Variants in GRM1 observed in about 807,000 individuals in gnomAD.
GRM1 encodes the protein metabotropic glutamate receptor 1.
GRM1 carries 33 observed loss-of-function variants against 90.9 expected under a neutral mutation model. The observed-to-expected ratio is 0.36, with a 90% CI of 0.28 to 0.49. The LOEUF (loss-of-function observed/expected upper bound fraction) is 0.49, where lower values mean the gene tolerates loss of function less well. Ranked by LOEUF, GRM1 falls within the 20% of genes least tolerant of loss-of-function variation. The probability of loss-of-function intolerance (pLI) is 0.99; values close to 1 mark genes in which losing one functional copy is unlikely to be tolerated. For missense variants in GRM1, 1,190 were observed against 1,534.3 expected (o/e 0.78, Z 3.75); for synonymous variants, 700 against 613.2 (o/e 1.14, Z -2.09).
intron 1 of GRM1, among the ~76,000 whole-genome samples, chr6:146,033,427 A>G (rs902998861): frequency 5.9e-5 from 9 of 152,194 alleles, no homozygotes; most frequent in African/African-American, 2.2e-4. Flanking sequence ...CTTAAAAATA[A>G]CTGTAGTTAA....
At chr6:146,138,372 T>C (rs1459000881) in intron 1 of GRM1, among the ~76,000 whole-genome samples, 1 of 152,158 alleles carries the variant, frequency 6.6e-6, no homozygotes, top group Non-Finnish European at 1.5e-5. Context: ...TGAAGTGATG[T>C]TGAATTTCAT....
chr6:146,241,652 C>T (rs1305565464), intron 2 of GRM1, among the ~76,000 whole-genome samples: 5 of 152,122 alleles, frequency 3.3e-5, no homozygotes, highest in Non-Finnish European at 7.4e-5. Flanking sequence ...TCATTTCTGA[C>T]ACTACTTGAT....
In GRM1 at chr6:146,257,774, A is replaced by G. The variant is rs536552323; in HGVS notation, c.951-46837A>G. On this transcript the variant is annotated intron_variant, in intron 2 of 7. Transcript: ENST00000282753. ...TCTTTTTTTTTGATTCAGGCTCTCAATGGATTGCAGGATGCCTACCCACAT... is the reference window on the plus strand; with the variant it reads ...TCTTTTTTTTTGATTCAGGCTCTCAGTGGATTGCAGGATGCCTACCCACAT... 2.6e-5 allele frequency among the ~76,000 whole-genome samples: 4 copies of G among 152,084 alleles called. No homozygotes were observed. The East Asian group carries it at 5.8e-4, about 22-fold the overall frequency.
At chr6:146,063,082 A>G (rs1368553893) in intron 1 of GRM1, among the ~76,000 whole-genome samples, 1 of 152,106 alleles carries the variant, frequency 6.6e-6, no homozygotes, top group African/African-American at 2.4e-5. Flanking sequence ...CTTTGCTTAG[A>G]CTTTTCTTAG....
intron 2 of GRM1, among the ~76,000 whole-genome samples, chr6:146,202,176 TAC>T (rs1779319185): frequency 6.6e-6 from 1 of 152,232 alleles, no homozygotes; most frequent in Non-Finnish European, 1.5e-5. Context: ...ACATGCTTCA[TAC>T]ACATCAATAT....
intron 2 of GRM1, among the ~76,000 whole-genome samples, chr6:146,276,669 T>A (rs997153851): frequency 3.3e-5 from 5 of 152,178 alleles, no homozygotes; most frequent in Non-Finnish European, 5.9e-5. Context: ...CACTTTGATT[T>A]TTTTTTCTTC....
chr6:146,287,994 A>G (rs1782826629), intron 2 of GRM1, among the ~76,000 whole-genome samples: 1 of 152,248 alleles, frequency 6.6e-6, no homozygotes, highest in Admixed American at 6.5e-5. Flanking sequence ...TAGCAGTAGT[A>G]GGAAACTAAT....
intron 7 of GRM1, among the ~76,000 whole-genome samples, chr6:146,411,568 G>C (rs1352445673): frequency 6.6e-6 from 1 of 152,106 alleles, no homozygotes; most frequent in Non-Finnish European, 1.5e-5. Context: ...AACTATCACT[G>C]TACCCCCAGT....
At chr6:146,218,075 G>A (rs1020265304) in intron 2 of GRM1, among the ~76,000 whole-genome samples, 1 of 152,050 alleles carries the variant, frequency 6.6e-6, no homozygotes, top group African/African-American at 2.4e-5. Flanking sequence ...GTATAGAGAG[G>A]TTAGTAATTT....
chr6:146,245,554 A>G (rs1262183547), intron 2 of GRM1, among the ~76,000 whole-genome samples: 1 of 152,190 alleles, frequency 6.6e-6, no homozygotes, highest in Non-Finnish European at 1.5e-5. Flanking sequence ...AGATGATCAG[A>G]TTTTATACAG....
chr6:146,425,548 G>A (rs1282277185), intron 7 of GRM1, among the ~76,000 whole-genome samples: 2 of 152,158 alleles, frequency 1.3e-5, no homozygotes, highest in Non-Finnish European at 2.9e-5. Flanking sequence ...GGATCTTCTG[G>A]GTAGAGGGTC....
chr6:146,086,569 T>G (rs1015881859), intron 1 of GRM1, among the ~76,000 whole-genome samples: 8 of 151,974 alleles, frequency 5.3e-5, no homozygotes, highest in African/African-American at 1.9e-4. Context: ...ATATAAAAAG[T>G]AGGAGATAAA....
intron 2 of GRM1, among the ~76,000 whole-genome samples, chr6:146,248,892 G>C (rs1444542483): frequency 6.6e-6 from 1 of 152,188 alleles, no homozygotes; most frequent in East Asian, 1.9e-4. Flanking sequence ...TTGGGAACTA[G>C]AGCAAAAGTC....
Position 146,349,250 on chromosome 6 carries a change from T to A in GRM1, c.1187-3000T>A, listed in dbSNP as rs538286491. On this transcript the variant is annotated intron_variant, in intron 3 of 7. Transcript: ENST00000282753. ...CCCGGCTATTTTTTTTTTTTTATTT[T>A]TTTTTTATTTTTAGTAGATACGGGG... Among the ~76,000 whole-genome samples the A allele has an allele frequency of 3.5e-4, 52 of 150,500 alleles. 1 individual carries two copies. Among genetic ancestry groups the A allele is most frequent in the South Asian group, 4.2e-4 (2 of 4,754 alleles).
At chr6:146,218,898 G>A (rs555842786) in intron 2 of GRM1, among the ~76,000 whole-genome samples, 11 of 152,124 alleles carry the variant, frequency 7.2e-5, no homozygotes, top group Admixed American at 2.6e-4. Context: ...ACAACATCAT[G>A]GCTGCACCAC....
chr6:146,402,717 C>T (rs774217370), intron 7 of GRM1, among the ~76,000 whole-genome samples: 46 of 152,160 alleles, frequency 3.0e-4, no homozygotes, highest in Non-Finnish European at 1.9e-4. Context: ...TGAGGAGTTG[C>T]AAGTCCAACG....
At chr6:146,144,788 C>T (rs1268462957) in intron 1 of GRM1, among the ~76,000 whole-genome samples, 1 of 152,062 alleles carries the variant, frequency 6.6e-6, no homozygotes, top group African/African-American at 2.4e-5. Context: ...CTGATGAGGG[C>T]TTAGAAGACA....
At chr6:146,154,955 T>G (rs933497540) in intron 1 of GRM1, among the ~76,000 whole-genome samples, 1 of 152,232 alleles carries the variant, frequency 6.6e-6, no homozygotes, top group African/African-American at 2.4e-5. Flanking sequence ...GTTCAGTGAT[T>G]TGTTTCATAT....
chr6:146,031,492 T>C (rs190616190), intron 1 of GRM1, among the ~76,000 whole-genome samples: 2 of 152,228 alleles, frequency 1.3e-5, no homozygotes, highest in Admixed American at 6.5e-5. Context: ...TGAAAACATA[T>C]ACTTTATAAA....
Sources: allele counts gnomAD v4.1 joint callset (sites outside exome capture counted in the v4.1 genomes callset), GRCh38; gene constraint gnomAD v4.1.1; transcripts MANE v1.5; gene names NCBI Gene and HGNC (gene_info 2026-07-23, HGNC 2026-07-21).